CCDC28B: variants seen among roughly 807,000 people sequenced by gnomAD.
CCDC28B encodes coiled-coil domain-containing protein 28B.
A neutral mutation model predicts 18.7 loss-of-function variants in CCDC28B; 17 were observed. The ratio of observed to expected loss-of-function variants is 0.91; its 90% CI spans 0.62 to 1.36. CCDC28B has a LOEUF of 1.36. CCDC28B is among the 40% of genes most tolerant of loss of function. CCDC28B has a pLI of 0.00. For missense variants in CCDC28B, 213 were observed against 251.7 expected (o/e 0.85, Z 1.04); for synonymous variants, 116 against 105.1 (o/e 1.10, Z -0.64).
Position 32,202,251 on chromosome 1 carries a change from C to T in CCDC28B, c.164+152C>T, listed in dbSNP as rs964939263. On this transcript the variant is annotated intron_variant, in intron 2 of 5. Transcript: ENST00000373602. ...TGAGAACTCAGAGCTCACTCAGACCCAGTCCCTACCCTCAACTGTGTGGCA... is the reference window on the plus strand; with the variant it reads ...TGAGAACTCAGAGCTCACTCAGACCTAGTCCCTACCCTCAACTGTGTGGCA... 22 of 977,188 alleles carry T rather than the reference C, an allele frequency of 2.3e-5. No individual in the cohort carries two copies. The African/African-American group carries it at 2.7e-4, about 12-fold the overall frequency. The allele number at this position is 977,188 out of a possible 1,614,324, so 60.5% of individuals were successfully genotyped here. A position where few individuals can be genotyped will look rare whatever the true frequency, so the allele number is the denominator to read the frequency against.
chr1:32,200,156 C>G (rs909444176), upstream of CCDC28B, among the ~76,000 whole-genome samples: 1 of 152,182 alleles, frequency 6.6e-6, no homozygotes, highest in Admixed American at 6.5e-5. Context: ...TGCTTACTTT[C>G]AGTAGAATGG....
intron 1 of CCDC28B, among the ~76,000 whole-genome samples, chr1:32,201,444 C>T (rs1174893359): frequency 3.9e-5 from 6 of 152,136 alleles, no homozygotes; most frequent in East Asian, 1.9e-4. Context: ...CTTTCCCAGG[C>T]GCCCCTACCT....
chr1:32,203,900 C>T lies in CCDC28B; in HGVS notation c.186C>T (p.Arg62=). ...CCAGAGTAGGCAAAGAGAAGTGCCG[C>T]CCAGTCCTGGCTGGAGGTGGAAGCG... The part of the protein sequence containing the change: ...KFKRVGKEKC[R]PVLAGGGSGS... Residue 62 remains arginine (R), a synonymous_variant, in exon 3 of 6, where the codon CGC becomes CGT. Coordinates refer to ENST00000373602, the MANE Select transcript of CCDC28B (RefSeq NM_024296.5). 1.3e-6 allele frequency: 2 copies of T among 1,518,498 alleles called. No homozygotes were observed. The highest frequency in any genetic ancestry group is 1.8e-6 in the Non-Finnish European group (2 of 1,133,954). The allele number at this position is 1,518,498 out of a possible 1,614,324, so 94.1% of individuals were successfully genotyped here. A position where few individuals can be genotyped will look rare whatever the true frequency, so the allele number is the denominator to read the frequency against.
upstream of CCDC28B, among the ~76,000 whole-genome samples, chr1:32,199,627 A>T (rs1215054654): frequency 6.6e-6 from 1 of 152,136 alleles, no homozygotes. Flanking sequence ...TGTTGGAAGT[A>T]CCCAGGAAGA....
upstream of CCDC28B, chr1:32,196,933 G>T (rs1643038458): frequency 2.0e-5 from 3 of 152,256 alleles, no homozygotes; most frequent in South Asian, 6.2e-4. Context: ...CATCAGAGTT[G>T]CCTGCTATTC....
Position 32,205,028 on chromosome 1 carries a change from AGG to A in CCDC28B, c.549-162_549-161del. The A allele has an allele frequency of 8.6e-7, 1 of 1,163,062 alleles. No homozygotes were observed. Among genetic ancestry groups the A allele is most frequent in the Non-Finnish European group, 1.2e-6 (1 of 834,820 alleles). 72.0% of individuals were successfully genotyped at this position (1,163,062 alleles called of 1,614,324 possible). The stretch of plus-strand genomic sequence containing the variant: ...ACCTGCACGATCTGGATGAAGAGAG[AGG>A]GGGTGAGAGAGGGCAGGCGGGGACT... On this transcript the variant is annotated intron_variant, in intron 5 of 5. Coordinates refer to ENST00000373602, the MANE Select transcript of CCDC28B (RefSeq NM_024296.5). The surrounding 1 kb of genome is among the most constrained non-coding windows in gnomAD (Gnocchi z 5.6).
At chr1:32,203,761 G>A in intron 2 of CCDC28B, 118 bp from the exon 3 acceptor site, 1 of 734,636 alleles carries the variant, frequency 1.4e-6, no homozygotes, top group South Asian at 2.9e-5. Flanking sequence ...TAAGTAGATG[G>A]GCAGATGAGT....
intron 2 of CCDC28B, chr1:32,202,331 G>A (rs1437195894): frequency 1.5e-6 from 1 of 684,362 alleles, no homozygotes; most frequent in East Asian, 2.8e-5. Flanking sequence ...CCTCAGAGGA[G>A]GGAGTGAGCA....
chr1:32,200,649 GAGAGGGC>G lies in CCDC28B; in HGVS notation c.-83_-77del, dbSNP rs1643127333. The G allele has an allele frequency of 6.6e-6, 1 of 152,298 alleles. No individual in the cohort carries two copies. Among genetic ancestry groups the G allele is most frequent in the Non-Finnish European group, 1.5e-5 (1 of 68,088 alleles). The allele number at this position is 152,298 out of a possible 1,614,324, so 9.4% of individuals were successfully genotyped here. On this transcript the variant is annotated 5_prime_UTR_variant, in exon 1 of 6. Transcript: ENST00000373602. ...TTTCACCCGGTGGTGTTCCCGGGAG[GAGAGGGC>G]GGAGGGCGGAGGGAACTTGCACCGA...
chr1:32,204,318 G>C lies in CCDC28B; in HGVS notation c.464G>C (p.Gly155Ala). The change falls in exon 4 of 6, where the codon GGG becomes GCG. Residue 155 changes from glycine to alanine, a missense_variant. Coordinates refer to ENST00000373602, the MANE Select transcript of CCDC28B (RefSeq NM_024296.5). ...DEEEEDGVTE[G>A]LPEEQKKTMA... The stretch of plus-strand genomic sequence containing the variant: ...GAGGAAGAGGATGGGGTCACTGAGG[G>C]GCTGCCAGAGGAGCAGAAGAAGACA... 6.2e-7 allele frequency: 1 copy of C among 1,610,782 alleles called. No homozygotes were observed. Among genetic ancestry groups the C allele is most frequent in the Non-Finnish European group, 8.5e-7 (1 of 1,178,288 alleles).
At chr1:32,201,036 A>ACC (rs566209844) in intron 1 of CCDC28B, among the ~76,000 whole-genome samples, 4 of 140,704 alleles carry the variant, frequency 2.8e-5, no homozygotes, top group Non-Finnish European at 4.7e-5. Context: ...CACCCCCCCA[A>ACC]CCCCCCCAGT....
intron 5 of CCDC28B, 57 bp downstream of exon 5, chr1:32,204,677 C>G: frequency 6.2e-7 from 1 of 1,614,090 alleles, no homozygotes; most frequent in Non-Finnish European, 8.5e-7. Context: ...TCAGTTTCCT[C>G]CTCTCCAGCC....
chr1:32,204,536 C>A, intron 4 of CCDC28B, 62 bp from the exon 5 acceptor site: 1 of 1,526,174 alleles, frequency 6.6e-7, no homozygotes, highest in Non-Finnish European at 8.8e-7. Context: ...GCCCCCAGAG[C>A]ATTGGGGATT....
upstream of CCDC28B, chr1:32,197,691 C>T (rs1643053769): frequency 6.6e-6 from 1 of 152,282 alleles, no homozygotes. This position sits in a 1 kb window ranked among gnomAD's most constrained non-coding sequence, Gnocchi z 4.6. Flanking sequence ...CTAGCTTTTC[C>T]TCCAGGGGAC....
At position 32,205,087 on chromosome 1, in the gene CCDC28B, T is replaced by C; in HGVS notation, c.549-107T>C. ...TCAGTCCACAGACGGCCCGAGACCC[T>C]CGTCCCCGGCCCTTTGCACAGGTGA... On this transcript the variant is annotated intron_variant, in intron 5 of 5. Coordinates refer to ENST00000373602, the MANE Select transcript of CCDC28B (RefSeq NM_024296.5). This position sits in a 1 kb window ranked among gnomAD's most constrained non-coding sequence, Gnocchi z 5.6. 1.4e-6 allele frequency: 2 copies of C among 1,397,026 alleles called. No individual in the cohort carries two copies. The highest frequency in any genetic ancestry group is 2.4e-5 in the East Asian group (1 of 41,194). The allele number at this position is 1,397,026 out of a possible 1,614,324, so 86.5% of individuals were successfully genotyped here.
In CCDC28B at chr1:32,205,146, G is replaced by A. The variant is rs751179884; in HGVS notation, c.549-48G>A. The A allele has an allele frequency of 1.2e-6, 2 of 1,607,496 alleles. No homozygotes were observed. Among genetic ancestry groups the A allele is most frequent in the African/African-American group, 2.7e-5 (2 of 74,774 alleles). On this transcript the variant is annotated intron_variant, in intron 5 of 5. Transcript: ENST00000373602. The surrounding 1 kb of genome is among the most constrained non-coding windows in gnomAD (Gnocchi z 5.6). ...AACCTGTGCAAGATGGGAGACCGGG[G>A]TGGGAGGAAGGACTGGTCCAAAGCG...
chr1:32,198,790 G>A (rs190933132), upstream of CCDC28B, among the ~76,000 whole-genome samples: 13 of 152,284 alleles, frequency 8.5e-5, no homozygotes, highest in South Asian at 2.1e-4. Context: ...CAGAGTCTGG[G>A]TACCAGGTTA....
upstream of CCDC28B, among the ~76,000 whole-genome samples, chr1:32,198,513 T>C (rs1451118779): frequency 6.6e-6 from 1 of 151,830 alleles, no homozygotes; most frequent in Non-Finnish European, 1.5e-5. Flanking sequence ...GACCCTTGCC[T>C]CAGAGAGGAT....
upstream of CCDC28B, chr1:32,196,067 G>A (rs891362311): frequency 2.5e-5 from 4 of 163,252 alleles, no homozygotes; most frequent in African/African-American, 9.8e-5. Flanking sequence ...TGTAGCAGTG[G>A]TGCCTGGGTG....
Sources: allele counts gnomAD v4.1 joint callset (sites outside exome capture counted in the v4.1 genomes callset), GRCh38; gene constraint gnomAD v4.1.1; non-coding constraint Gnocchi (gnomAD v3.1); transcripts MANE v1.5; gene names NCBI Gene and HGNC (gene_info 2026-07-23, HGNC 2026-07-21).